Variants in EEF2KMT observed in about 807,000 individuals in gnomAD.
The protein encoded by EEF2KMT is protein-lysine N-methyltransferase EEF2KMT.
Under a neutral mutation model 35.1 loss-of-function variants are expected in EEF2KMT, and 30 were observed. That is an observed-to-expected ratio of 0.85 (90% CI 0.64 to 1.16). The LOEUF (loss-of-function observed/expected upper bound fraction) is 1.16. Ranked by LOEUF, EEF2KMT falls within the 50% of genes most tolerant of loss-of-function variation. EEF2KMT has a pLI of 0.00. For missense variants in EEF2KMT, 499 were observed against 438.2 expected, an observed-to-expected ratio of 1.14 and a Z score of -1.24; for synonymous variants, 190 against 187.7, an observed-to-expected ratio of 1.01 and a Z score of -0.10.
At chr16:5,087,728 G>T (rs1343653274) in intron 7 of EEF2KMT, among the ~76,000 whole-genome samples, 2 of 150,302 alleles carry the variant, frequency 1.3e-5, no homozygotes, top group Non-Finnish European at 3.0e-5. Flanking sequence ...AACCTGGGAG[G>T]TGGGAGGTTG....
chr16:5,097,614 G>C, intron 1 of EEF2KMT, 30 bp downstream of exon 1: 1 of 1,539,456 alleles, frequency 6.5e-7, no homozygotes, highest in South Asian at 1.2e-5. Flanking sequence ...CGCGAGCCCC[G>C]CGGGCCTCTC....
At chr16:5,088,434 A>C (rs59648697) in intron 7 of EEF2KMT, among the ~76,000 whole-genome samples, 11,793 of 151,960 alleles carry the variant, frequency 0.078, 983 homozygotes, top group African/African-American at 0.21. Context: ...GGCTGTGCTC[A>C]GGGGGAGCTG....
intron 3 of EEF2KMT, 56 bp from the exon 4 acceptor site, chr16:5,091,951 C>T (rs1053675820): frequency 6.7e-5 from 107 of 1,605,664 alleles, no homozygotes; most frequent in Non-Finnish European, 8.9e-5. Context: ...GTAAAAATGG[C>T]CAGATGATTT....
rs539465200 is a variant in EEF2KMT, at chr16:5,097,723, T to G, written c.17A>C (p.Asn6Thr). ...CTGCAGCAAGAGTTCGGTCCCCGCG[T>G]TCTCCTCGGGCGCCATGACGTGGGC... MAPEENAGTELLLQSF... is the reference protein window; with the variant it reads MAPEETAGTELLLQSF... Residue 6 changes from asparagine (N) to threonine (T), a missense_variant, in exon 1 of 8, where the codon AAC (asparagine) becomes ACC (threonine). Physicochemically the swap from Asn to Thr is moderately conservative, Grantham distance 65 (BLOSUM62 0). Coordinates refer to ENST00000427587, the MANE Select transcript of EEF2KMT (RefSeq NM_201400.4). 4 of 1,569,324 alleles carry G rather than the reference T, an allele frequency of 2.5e-6. No individual in the cohort carries two copies. The highest frequency in any genetic ancestry group is 3.4e-6 in the Non-Finnish European group (4 of 1,162,848).
In EEF2KMT at chr16:5,085,614, T is replaced by TG. The variant is rs761523989; in HGVS notation, c.*17dup. 44 of 1,522,388 alleles carry TG rather than the reference T, an allele frequency of 2.9e-5. No homozygotes were observed. In the East Asian group the frequency reaches 9.4e-4, roughly 33 times the overall value. The allele number at this position is 1,522,388 out of a possible 1,614,324, so 94.3% of individuals were successfully genotyped here. ...AGTGACTTGATTCTCACAATCCCGT[T>TG]GGAGTCGTGTGTGAGTCCTACAGGG... On this transcript the variant is annotated 3_prime_UTR_variant, in exon 8 of 8. Transcript: ENST00000427587.
chr16:5,095,340 T>G, intron 2 of EEF2KMT, 112 bp downstream of exon 2: 1 of 1,552,982 alleles, frequency 6.4e-7, no homozygotes, highest in Non-Finnish European at 8.8e-7. Context: ...GTTTTGTTTT[T>G]TGAACAGGGG....
At chr16:5,096,774 C>G (rs1191838731) in intron 1 of EEF2KMT, among the ~76,000 whole-genome samples, 4 of 152,154 alleles carry the variant, frequency 2.6e-5, no homozygotes, top group African/African-American at 9.7e-5. Context: ...AGGGTGAGCC[C>G]AAGTTAGCAT....
chr16:5,093,795 A>G (rs553273524), intron 2 of EEF2KMT, among the ~76,000 whole-genome samples: 6 of 152,320 alleles, frequency 3.9e-5, no homozygotes, highest in Admixed American at 1.3e-4. Flanking sequence ...TCTAACGCCC[A>G]TTCTGAGCAG....
chr16:5,089,949 G>C, intron 6 of EEF2KMT, 135 bp downstream of exon 6: 20 of 1,442,670 alleles, frequency 1.4e-5, no homozygotes, highest in Non-Finnish European at 1.9e-5. Context: ...TCACCCTGGA[G>C]GCCCAGAGTA....
intron 7 of EEF2KMT, among the ~76,000 whole-genome samples, 200 bp downstream of exon 7, chr16:5,088,907 T>G (rs942566657): frequency 2.0e-5 from 3 of 152,184 alleles, no homozygotes; most frequent in Non-Finnish European, 2.9e-5. Flanking sequence ...TCCCTCCCTG[T>G]GCTGAGCTGC....
chr16:5,084,909 G>A lies in EEF2KMT; in HGVS notation c.*723C>T, dbSNP rs28609548. 37,185 of 1,596,260 alleles carry A rather than the reference G, an allele frequency of 0.023. 529 individuals carry two copies. Among genetic ancestry groups the A allele is most frequent in the African/African-American group, 0.038 (2,846 of 74,916 alleles). The stretch of plus-strand genomic sequence containing the variant: ...CCTGGGCCAGAGGCTAAAACCCCAG[G>A]ACCCCTGCTGTCCTTCCCGCAGCTT... On this transcript the variant is annotated 3_prime_UTR_variant, in exon 8 of 8. Coordinates refer to ENST00000427587, the MANE Select transcript of EEF2KMT (RefSeq NM_201400.4).
intron 2 of EEF2KMT, among the ~76,000 whole-genome samples, chr16:5,093,790 C>T (rs35703622): frequency 0.051 from 7,684 of 151,926 alleles, 246 homozygotes; most frequent in Non-Finnish European, 0.067. Context: ...GCATTTCTAA[C>T]GCCCATTCTG....
Position 5,090,695 on chromosome 16 carries a change from T to C in EEF2KMT, c.343-130A>G. ...TCGCCACTCAGCAATGAGAAGCAGC[T>C]AACTGTTGGCATGCCAACAGCTTTC... On this transcript the variant is annotated intron_variant, in intron 4 of 7. Coordinates refer to ENST00000427587, the MANE Select transcript of EEF2KMT (RefSeq NM_201400.4). This position sits in a 1 kb window ranked among gnomAD's most constrained non-coding sequence, Gnocchi z 4.1. The C allele has an allele frequency of 1.6e-6, 2 of 1,285,384 alleles. No homozygotes were observed. The highest frequency in any genetic ancestry group is 2.8e-5 in the South Asian group (2 of 72,300). The allele number at this position is 1,285,384 out of a possible 1,614,324, so 79.6% of individuals were successfully genotyped here.
chr16:5,093,362 C>T (rs1372977038), intron 3 of EEF2KMT, 122 bp downstream of exon 3: 31 of 1,505,402 alleles, frequency 2.1e-5, no homozygotes. Flanking sequence ...AGCCAGTTGC[C>T]TGGGGAGGCC....
intron 7 of EEF2KMT, among the ~76,000 whole-genome samples, 164 bp downstream of exon 7, chr16:5,088,943 G>A (rs558378834): frequency 1.2e-4 from 19 of 152,170 alleles, no homozygotes; most frequent in South Asian, 4.2e-4. Context: ...AGCCCCCCAC[G>A]CCCCAAGCCC....
intron 1 of EEF2KMT, 27 bp downstream of exon 1, chr16:5,097,617 G>C (rs1476009950): frequency 1.3e-6 from 2 of 1,541,292 alleles, no homozygotes; most frequent in Non-Finnish European, 8.7e-7. Flanking sequence ...GAGCCCCGCG[G>C]GCCTCTCCGC....
rs1232180752 is a variant in EEF2KMT at position 5,090,546 on chromosome 16, G to A, written c.362C>T (p.Thr121Ile). 1.3e-5 allele frequency: 21 copies of A among 1,611,892 alleles called. No homozygotes were observed. The highest frequency in any genetic ancestry group is 1.6e-5 in the Non-Finnish European group (19 of 1,179,858). The change falls in exon 5 of 8, where the codon ACA becomes ATA. Residue 121 changes from threonine to isoleucine, a missense_variant. Transcript: ENST00000427587. The surrounding 1 kb of genome is among the most constrained non-coding windows in gnomAD (Gnocchi z 4.1). ...GATGATGGCCGTGCTCTCGGAGAGT[G>A]TGACCGAGCCTCCCGAGGGCTGCAC... is the stretch of plus-strand genomic sequence containing the variant. Reference protein sequence around the residue: ...SYLLPSGGSVTLSESTAIISY... With the variant: ...SYLLPSGGSVILSESTAIISY...
Position 5,085,000 on chromosome 16 carries a change from A to G in EEF2KMT, c.*632T>C, listed in dbSNP as rs1047655. The G allele has an allele frequency of 6.4e-7, 1 of 1,554,410 alleles. No homozygotes were observed. Among genetic ancestry groups the G allele is most frequent in the Admixed American group, 1.7e-5 (1 of 59,380 alleles). ...CCCAGTGGCCAGAAGCTGAAATGAC[A>G]GCAGTGGTACTGCCTGGTAAAAGAA... On this transcript the variant is annotated 3_prime_UTR_variant, in exon 8 of 8. Coordinates refer to ENST00000427587, the MANE Select transcript of EEF2KMT (RefSeq NM_201400.4).
chr16:5,089,361 T>G, intron 6 of EEF2KMT, 105 bp from the exon 7 acceptor site: 1 of 1,455,742 alleles, frequency 6.9e-7, no homozygotes. Flanking sequence ...CATATGAGAC[T>G]AGTAGATGCC....
Sources: allele counts gnomAD v4.1 joint callset (sites outside exome capture counted in the v4.1 genomes callset), GRCh38; gene constraint gnomAD v4.1.1; non-coding constraint Gnocchi (gnomAD v3.1); transcripts MANE v1.5; gene names NCBI Gene and HGNC (gene_info 2026-07-23, HGNC 2026-07-21).